Variants in ATG4C observed in about 807,000 individuals in gnomAD.
ATG4C encodes autophagy related 4C cysteine peptidase.
ATG4C carries 56 observed loss-of-function variants against 57.6 expected under a neutral mutation model. That is an observed-to-expected ratio of 0.97 (90% CI 0.78 to 1.21). ATG4C has a LOEUF of 1.21. Ranked by LOEUF, ATG4C falls within the 50% of genes most tolerant of loss-of-function variation. The pLI is 0.00. For synonymous variants in ATG4C, 157 were observed against 174.1 expected, an observed-to-expected ratio of 0.90 and a Z score of 0.78; for missense variants, 595 against 529.8, an observed-to-expected ratio of 1.12 and a Z score of -1.21.
chr1:62,810,893 T>A (rs1159361282), intron 3 of ATG4C, among the ~76,000 whole-genome samples: 1 of 152,192 alleles, frequency 6.6e-6, no homozygotes, highest in Non-Finnish European at 1.5e-5. Context: ...TATTTCTAAC[T>A]GGATCATATT....
chr1:62,853,720 A>G (rs1666591245), intron 10 of ATG4C, among the ~76,000 whole-genome samples: 1 of 152,252 alleles, frequency 6.6e-6, no homozygotes, highest in Non-Finnish European at 1.5e-5. Context: ...TGCTGGGATT[A>G]CAGGCATGAG....
At chr1:62,859,419 A>G (rs930187439) in intron 10 of ATG4C, among the ~76,000 whole-genome samples, 1 of 152,212 alleles carries the variant, frequency 6.6e-6, no homozygotes, top group Admixed American at 6.5e-5. Context: ...AATGGTAAGT[A>G]TTTGTGTATC....
rs80264074 is a variant in ATG4C at position 62,852,119 on chromosome 1, G to A, written c.1209+10572G>A. On this transcript the variant is annotated intron_variant, in intron 10 of 10. Transcript: ENST00000317868. ...GTTCATTCTCCAGCTGGCCTATTCA[G>A]TTCAGGTTGTAGGTGGCCAGAGGCT... Among the ~76,000 whole-genome samples the A allele has an allele frequency of 7.0e-3, 1,071 of 152,244 alleles. 12 individuals carry two copies. The highest frequency in any genetic ancestry group is 0.025 in the African/African-American group (1,024 of 41,522).
rs558908956 is a variant in ATG4C at position 62,856,006 on chromosome 1, C to T, written c.1210-7986C>T. On this transcript the variant is annotated intron_variant, in intron 10 of 10. Transcript: ENST00000317868. ...TAAAAAATTTCTTCTTTTGGTGAAT[C>T]GAAATCAGCCTGTATGTAGTCTTAT... Among the ~76,000 whole-genome samples, 31 of 152,196 alleles carry T rather than the reference C, an allele frequency of 2.0e-4. No homozygotes were observed. In the South Asian group the frequency reaches 6.2e-3, roughly 31 times the overall value.
intron 1 of ATG4C, among the ~76,000 whole-genome samples, chr1:62,797,888 C>T (rs1327901390): frequency 6.6e-6 from 1 of 152,138 alleles, no homozygotes; most frequent in Non-Finnish European, 1.5e-5. Context: ...AGCACAATCT[C>T]AGCTCACTGC....
At chr1:62,825,041 G>T (rs1665603264) in intron 6 of ATG4C, among the ~76,000 whole-genome samples, 1 of 152,024 alleles carries the variant, frequency 6.6e-6, no homozygotes, top group South Asian at 2.1e-4. Flanking sequence ...TTCGAGACCA[G>T]CCTGGCCAAT....
At chr1:62,831,563 A>G (rs1448960436) in intron 7 of ATG4C, among the ~76,000 whole-genome samples, 1 of 151,960 alleles carries the variant, frequency 6.6e-6, no homozygotes, top group African/African-American at 2.4e-5. Flanking sequence ...GTATGTATGT[A>G]TTTTTAAGGA....
At position 62,854,829 on chromosome 1, in the gene ATG4C, A is replaced by G. The variant is rs369552420; in HGVS notation, c.1210-9163A>G. On this transcript the variant is annotated intron_variant, in intron 10 of 10. Coordinates refer to ENST00000317868, the MANE Select transcript of ATG4C (RefSeq NM_032852.4). ...GGAGTTGTTTCGTTTTCTCAAAGAA[A>G]AGTTTTGCCGTCTCTTAAGAGCCTG... Among the ~76,000 whole-genome samples, 12 of 152,178 alleles carry G rather than the reference A, an allele frequency of 7.9e-5. 1 individual carries two copies. In the South Asian group the frequency reaches 2.1e-3, roughly 26 times the overall value.
chr1:62,790,165 C>T (rs1159791921), intron 1 of ATG4C, among the ~76,000 whole-genome samples: 3 of 152,170 alleles, frequency 2.0e-5, no homozygotes, highest in East Asian at 1.9e-4. Context: ...CCACCCGCCT[C>T]GGCCTCCCAA....
chr1:62,816,015 C>G (rs894979718), intron 3 of ATG4C, among the ~76,000 whole-genome samples: 1 of 151,990 alleles, frequency 6.6e-6, no homozygotes, highest in South Asian at 2.1e-4. Context: ...TCCCAAAGTG[C>G]TGGGGATTAT....
At chr1:62,792,124 G>A (rs935562104) in intron 1 of ATG4C, among the ~76,000 whole-genome samples, 2 of 152,068 alleles carry the variant, frequency 1.3e-5, no homozygotes, top group Non-Finnish European at 2.9e-5. Context: ...AGCCTCCTGA[G>A]TAGCTGGGAT....
rs147067947 is a variant in ATG4C at position 62,816,780 on chromosome 1, A to G, written c.366A>G (p.Gln122=). The change falls in exon 4 of 11, where the codon CAA becomes CAG. Residue 122 remains glutamine (Q), a synonymous_variant. Transcript: ENST00000317868. Reference sequence around the variant, plus strand: ...GAACTGGCCAGATGCTCTTGGCTCAAGGACTCATACTACACTTTCTTGGTA... The same window carrying G: ...GAACTGGCCAGATGCTCTTGGCTCAGGGACTCATACTACACTTTCTTGGTA... ...TLRTGQMLLA[Q]GLILHFLGRA... The G allele has an allele frequency of 4.0e-5, 65 of 1,606,108 alleles. No homozygotes were observed. The highest frequency in any genetic ancestry group is 5.4e-5 in the Non-Finnish European group (63 of 1,175,822).
chr1:62,821,705 C>T (rs1665488088), intron 6 of ATG4C, among the ~76,000 whole-genome samples: 1 of 151,794 alleles, frequency 6.6e-6, no homozygotes, highest in African/African-American at 2.4e-5. Context: ...ATTTTTTATC[C>T]AAAATGTTTG....
intron 1 of ATG4C, among the ~76,000 whole-genome samples, chr1:62,789,713 A>T (rs1218526915): frequency 1.3e-5 from 2 of 152,024 alleles, no homozygotes; most frequent in Non-Finnish European, 2.9e-5. Context: ...GTTACTAGGG[A>T]GGCTGAGGCA....
At position 62,861,787 on chromosome 1, in the gene ATG4C, C is replaced by G. The variant is rs183947678; in HGVS notation, c.1210-2205C>G. ...TCTTTTTTAAGGATTATGTAATAAA[C>G]ATTTTCCAAGTTATCAAATAATTTA... On this transcript the variant is annotated intron_variant, in intron 10 of 10. Coordinates refer to ENST00000317868, the MANE Select transcript of ATG4C (RefSeq NM_032852.4). Among the ~76,000 whole-genome samples the G allele has an allele frequency of 2.0e-5, 3 of 151,996 alleles. No homozygotes were observed. The South Asian group carries it at 6.2e-4, about 32-fold the overall frequency.
At chr1:62,814,240 A>G (rs1408422841) in intron 3 of ATG4C, among the ~76,000 whole-genome samples, 2 of 152,252 alleles carry the variant, frequency 1.3e-5, no homozygotes, top group African/African-American at 4.8e-5. Flanking sequence ...TGTGGCACAT[A>G]TACACCATGG....
At chr1:62,852,379 T>C (rs941400372) in intron 10 of ATG4C, among the ~76,000 whole-genome samples, 1 of 152,244 alleles carries the variant, frequency 6.6e-6, no homozygotes, top group Non-Finnish European at 1.5e-5. Context: ...TTTTTTTTCT[T>C]CATGAACATT....
chr1:62,848,643 G>A (rs550738727), intron 10 of ATG4C, among the ~76,000 whole-genome samples: 1 of 152,208 alleles, frequency 6.6e-6, no homozygotes, highest in African/African-American at 2.4e-5. Flanking sequence ...CATTAGCCTT[G>A]AATAGTTGAG....
intron 6 of ATG4C, among the ~76,000 whole-genome samples, chr1:62,822,101 A>G (rs180812293): frequency 2.0e-5 from 3 of 152,268 alleles, no homozygotes; most frequent in Non-Finnish European, 2.9e-5. Context: ...TCATGCTGTT[A>G]AGTGTTTTTT....
Sources: gnomAD v4.1 joint callset for allele counts (sites outside exome capture counted in the v4.1 genomes callset) on GRCh38, gnomAD v4.1.1 for gene constraint, MANE v1.5 for transcripts, NCBI Gene and HGNC (gene_info 2026-07-23, HGNC 2026-07-21) for gene names.